Variants in CFAP54 observed in about 807,000 individuals in gnomAD.
CFAP54 encodes the protein cilia and flagella associated protein 54.
CFAP54 carries 290 observed loss-of-function variants against 370.4 expected under a neutral mutation model. That is an observed-to-expected ratio of 0.78 (90% CI 0.71 to 0.86). CFAP54 has a LOEUF of 0.86. Ranked by LOEUF, CFAP54 falls within the 40% of genes least tolerant of loss-of-function variation. The probability of loss-of-function intolerance (pLI) is 0.00; values close to 1 mark genes in which losing one functional copy is unlikely to be tolerated. For missense variants in CFAP54, 3,399 were observed against 3,528.7 expected, an observed-to-expected ratio of 0.96 and a Z score of 0.93; for synonymous variants, 1,206 against 1,236.5, an observed-to-expected ratio of 0.98 and a Z score of 0.52.
intron 1 of CFAP54, among the ~76,000 whole-genome samples, chr12:96,498,920 G>A (rs80016168): frequency 0.017 from 2,571 of 152,210 alleles, 80 homozygotes; most frequent in African/African-American, 0.059. Context: ...GAAGAACTCT[G>A]AAAACTCAGC....
At chr12:96,537,816 C>T (rs763729172) in intron 12 of CFAP54, among the ~76,000 whole-genome samples, 1 of 151,630 alleles carries the variant, frequency 6.6e-6, no homozygotes, top group Non-Finnish European at 1.5e-5. Context: ...AGGTGGGTCA[C>T]GGTGGCTCAC....
chr12:96,779,785 C>G (rs985411662), intron 60 of CFAP54, among the ~76,000 whole-genome samples: 1 of 151,394 alleles, frequency 6.6e-6, no homozygotes, highest in Admixed American at 6.6e-5. Flanking sequence ...AGAATGCACC[C>G]CAGCACAAAG....
At position 96,644,186 on chromosome 12, in the gene CFAP54, G is replaced by T. The variant is rs267603730; in HGVS notation, c.4325G>T (p.Arg1442Ile). Reference sequence around the variant, plus strand: ...TCTTTCTCCCTTGGCAGAAATAGGAGAACCAGTGTTAGGAAAGCAGCACAA... The same window carrying T: ...TCTTTCTCCCTTGGCAGAAATAGGATAACCAGTGTTAGGAAAGCAGCACAA... ...SEMVAHERNR[R>I]TSVRKAAQRY... Residue 1442 changes from arginine (R) to isoleucine (I), a missense_variant, in exon 33 of 68, where the codon AGA becomes ATA. By Grantham distance (97) the Arg-to-Ile change is moderately conservative. Coordinates refer to ENST00000524981, the MANE Select transcript of CFAP54 (RefSeq NM_001306084.2). 1.3e-6 allele frequency: 2 copies of T among 1,530,478 alleles called. No homozygotes were observed. Among genetic ancestry groups the T allele is most frequent in the African/African-American group, 1.4e-5 (1 of 72,858 alleles). 94.8% of individuals were successfully genotyped at this position (1,530,478 alleles called of 1,614,324 possible).
At chr12:96,670,737 A>G (rs12816455) in intron 39 of CFAP54, among the ~76,000 whole-genome samples, 2,635 of 152,334 alleles carry the variant, frequency 0.017, 45 homozygotes, top group Non-Finnish European at 0.028. Flanking sequence ...GCAGTCAACT[A>G]TCATAGAGAG....
At chr12:96,846,809 C>A (rs10860100) in intron 66 of CFAP54, among the ~76,000 whole-genome samples, 1 of 151,902 alleles carries the variant, frequency 6.6e-6, no homozygotes, top group African/African-American at 2.4e-5. Flanking sequence ...AAGGTATTCT[C>A]TAGCTGAGCA....
chr12:96,570,940 G>A (rs904992694), intron 19 of CFAP54, among the ~76,000 whole-genome samples: 2 of 152,004 alleles, frequency 1.3e-5, no homozygotes, highest in African/African-American at 4.8e-5. Context: ...TTTATTCTAA[G>A]CAATATTCCT....
chr12:96,863,243 G>A (rs775981070), intron 67 of CFAP54, among the ~76,000 whole-genome samples: 1 of 151,984 alleles, frequency 6.6e-6, no homozygotes, highest in Non-Finnish European at 1.5e-5. Flanking sequence ...AAAAAGGAGG[G>A]AGGCAGAGGT....
chr12:96,651,124 G>A (rs1350978523), intron 35 of CFAP54, among the ~76,000 whole-genome samples: 1 of 152,142 alleles, frequency 6.6e-6, no homozygotes, highest in African/African-American at 2.4e-5. Context: ...CCTGTCTAAA[G>A]CAACCTGTCC....
chr12:96,604,840 G>T (rs1956284109), intron 26 of CFAP54, among the ~76,000 whole-genome samples: 1 of 152,262 alleles, frequency 6.6e-6, no homozygotes, highest in Admixed American at 6.5e-5. Flanking sequence ...GAAAAGCGCA[G>T]TATTTGGGCA....
In CFAP54 at chr12:96,630,581, A is replaced by G. The variant is rs1224958972; in HGVS notation, c.4246A>G (p.Lys1416Glu). Residue 1416 changes from lysine to glutamate, a missense_variant, in exon 32 of 68, where the codon AAA becomes GAA. Physicochemically the swap from Lys to Glu is moderately conservative, Grantham distance 56. Around this residue, in one of 3 missense-constraint regions of CFAP54, gnomAD observed 2,796 missense variants for 2,869.7 expected, o/e 0.97. Transcript: ENST00000524981. ...AGAAATGCAACAAAGAATAAGAAGT[A>G]AAAAAAAGGAAACTCTAAGAGATTT... ...SAEMQQRIRSKKKETLRDFIF... is the reference protein window; with the variant it reads ...SAEMQQRIRSEKKETLRDFIF... The G allele has an allele frequency of 6.8e-7, 1 of 1,480,264 alleles. No homozygotes were observed. The highest frequency in any genetic ancestry group is 2.5e-5 in the East Asian group (1 of 39,622). 91.7% of individuals were successfully genotyped at this position (1,480,264 alleles called of 1,614,324 possible).
chr12:96,519,448 G>A (rs1211695512), intron 6 of CFAP54, among the ~76,000 whole-genome samples: 1 of 152,042 alleles, frequency 6.6e-6, no homozygotes, highest in Non-Finnish European at 1.5e-5. Context: ...TTAGATGCCT[G>A]CCAGGGGAAA....
At chr12:96,795,293 G>T (rs553578724) in intron 63 of CFAP54, among the ~76,000 whole-genome samples, 1 of 152,278 alleles carries the variant, frequency 6.6e-6, no homozygotes, top group South Asian at 2.1e-4. Flanking sequence ...CCCTAGGGTT[G>T]CCTGGATAAA....
chr12:96,839,833 GA>G (rs1208650728), intron 66 of CFAP54, among the ~76,000 whole-genome samples: 1 of 152,164 alleles, frequency 6.6e-6, no homozygotes, highest in African/African-American at 2.4e-5. Context: ...TGGGGGCTGA[GA>G]ACAGACTTGG....
At position 96,860,953 on chromosome 12, in the gene CFAP54, G is replaced by T; in HGVS notation, c.*14+1G>T. ...TTATTCCCTGAATATCCTATACACGGTAACCTTATACAGGATTTAATTGTT... is the reference window on the plus strand; with the variant it reads ...TTATTCCCTGAATATCCTATACACGTTAACCTTATACAGGATTTAATTGTT... On this transcript the variant is annotated splice_donor_variant, in intron 67 of 67. Coordinates refer to ENST00000524981, the MANE Select transcript of CFAP54 (RefSeq NM_001306084.2). LOFTEE classifies it low-confidence loss of function (3UTR_SPLICE). 7.2e-6 allele frequency: 11 copies of T among 1,523,854 alleles called. No homozygotes were observed. Among genetic ancestry groups the T allele is most frequent in the Non-Finnish European group, 9.6e-6 (11 of 1,141,906 alleles). The allele number at this position is 1,523,854 out of a possible 1,614,324, so 94.4% of individuals were successfully genotyped here. A position where few individuals can be genotyped will look rare whatever the true frequency, so the allele number is the denominator to read the frequency against.
At chr12:96,834,491 C>T (rs139838816) in intron 66 of CFAP54, among the ~76,000 whole-genome samples, 114 of 152,366 alleles carry the variant, frequency 7.5e-4, no homozygotes, top group African/African-American at 2.6e-3. Context: ...GGCAGTCAGA[C>T]ATGCTGGCTG....
chr12:96,746,195 C>G (rs1958112659), intron 55 of CFAP54, among the ~76,000 whole-genome samples: 1 of 152,168 alleles, frequency 6.6e-6, no homozygotes, highest in Non-Finnish European at 1.5e-5. Flanking sequence ...ATCCTTTTCT[C>G]TCCTTCCCTC....
intron 65 of CFAP54, among the ~76,000 whole-genome samples, chr12:96,825,510 T>A (rs573363059): frequency 1.1e-3 from 117 of 107,458 alleles, no homozygotes; most frequent in Non-Finnish European, 1.9e-3. Flanking sequence ...TAATTATATA[T>A]TATATAACAT....
chr12:96,566,799 T>C lies in CFAP54; in HGVS notation c.2619+2034T>C, dbSNP rs191572182. 5.6e-3 allele frequency among the ~76,000 whole-genome samples: 860 copies of C among 152,306 alleles called. 4 individuals carry two copies. The highest frequency in any genetic ancestry group is 9.3e-3 in the Non-Finnish European group (634 of 68,004). The stretch of plus-strand genomic sequence containing the variant: ...ATAATTTTGATCCATTTCGCAATTA[T>C]GTATTGGAAGTTCACTATGTGCCTG... On this transcript the variant is annotated intron_variant, in intron 19 of 67. Transcript: ENST00000524981.
rs546224439 is a variant in CFAP54 at position 96,811,955 on chromosome 12, G to A, written c.8957+113G>A. ...GGAGACCTGCTAAAAGGCACTTCGC[G>A]AAGAATCTTCCTTTTGTTTAGAGGA... On this transcript the variant is annotated intron_variant, in intron 64 of 67. Coordinates refer to ENST00000524981, the MANE Select transcript of CFAP54 (RefSeq NM_001306084.2). The A allele has an allele frequency of 3.3e-5, 19 of 581,496 alleles. No homozygotes were observed. The Admixed American group carries it at 5.5e-4, about 17-fold the overall frequency. 36.0% of individuals were successfully genotyped at this position (581,496 alleles called of 1,614,324 possible).
Sources: gnomAD v4.1 joint callset for allele counts (sites outside exome capture counted in the v4.1 genomes callset) on GRCh38, gnomAD v4.1.1 for gene constraint, gnomAD v4.1.1 regional missense constraint, MANE v1.5 for transcripts, NCBI Gene and HGNC (gene_info 2026-07-23, HGNC 2026-07-21) for gene names.